GDI2: variants seen among roughly 807,000 people sequenced by gnomAD.
The protein encoded by GDI2 is rab GDP dissociation inhibitor beta.
In GDI2, 22 loss-of-function variants were observed where a neutral mutation model predicts 54.2. That is an observed-to-expected ratio of 0.41 (90% confidence interval 0.29 to 0.58). The LOEUF (loss-of-function observed/expected upper bound fraction) is 0.58, where lower values mean the gene tolerates loss of function less well. Ranked by LOEUF, GDI2 falls within the 20% of genes least tolerant of loss-of-function variation. The probability of loss-of-function intolerance (pLI) is 0.35; values close to 1 mark genes in which losing one functional copy is unlikely to be tolerated. For missense variants in GDI2, 422 were observed against 546.0 expected (o/e 0.77, Z 2.26); for synonymous variants, 177 against 182.1 (o/e 0.97, Z 0.23).
chr10:5,789,398 C>A (rs12414733), intron 4 of GDI2, among the ~76,000 whole-genome samples: 15,809 of 151,942 alleles, frequency 0.1, 1,161 homozygotes, highest in Admixed American at 0.22. Context: ...CAGTAGCCGG[C>A]CAAATGATTT....
At chr10:5,782,708 TG>T (rs1489034219) in intron 6 of GDI2, among the ~76,000 whole-genome samples, 1 of 152,078 alleles carries the variant, frequency 6.6e-6, no homozygotes, top group Non-Finnish European at 1.5e-5. Flanking sequence ...CCAAGGTGGG[TG>T]GATCACTTGA....
At chr10:5,801,070 G>C (rs1271984013) in intron 1 of GDI2, among the ~76,000 whole-genome samples, 1 of 152,004 alleles carries the variant, frequency 6.6e-6, no homozygotes, top group East Asian at 1.9e-4. Flanking sequence ...TCCTGCCTCA[G>C]CCTCTTGAGT....
At chr10:5,794,397 A>T (rs1292599693) in intron 4 of GDI2, among the ~76,000 whole-genome samples, 1 of 151,434 alleles carries the variant, frequency 6.6e-6, no homozygotes, top group Non-Finnish European at 1.5e-5. Context: ...CTGGAGCCAC[A>T]CTACCAGCAT....
At chr10:5,800,475 C>T in intron 2 of GDI2, 123 bp downstream of exon 2, 1 of 655,888 alleles carries the variant, frequency 1.5e-6, no homozygotes, top group East Asian at 2.6e-5. Flanking sequence ...TCCTGAAAAA[C>T]AGTGCTCCAG....
intron 6 of GDI2, among the ~76,000 whole-genome samples, chr10:5,784,331 T>C (rs1679138550): frequency 6.6e-6 from 1 of 152,218 alleles, no homozygotes; most frequent in South Asian, 2.1e-4. Context: ...TCATATCCTG[T>C]ATCACTTTTT....
chr10:5,768,455 T>A lies in GDI2; in HGVS notation c.820-71A>T. Reference sequence around the variant, plus strand: ...GGGAAACACATCCCATGTTCATAGTTTGGAAGACTTAGTATTGTTAAGATA... The same window carrying A: ...GGGAAACACATCCCATGTTCATAGTATGGAAGACTTAGTATTGTTAAGATA... On this transcript the variant is annotated intron_variant, in intron 7 of 10. Transcript: ENST00000380191. The surrounding 1 kb of genome is among the most constrained non-coding windows in gnomAD (Gnocchi z 4.4). 1.0e-6 allele frequency: 1 copy of A among 977,494 alleles called. No individual in the cohort carries two copies. The highest frequency in any genetic ancestry group is 1.6e-6 in the Non-Finnish European group (1 of 628,830). The allele number at this position is 977,494 out of a possible 1,614,324, so 60.6% of individuals were successfully genotyped here.
At position 5,785,975 on chromosome 10, in the gene GDI2, G is replaced by C; in HGVS notation, c.464C>G (p.Pro155Arg). 6.2e-7 allele frequency: 1 copy of C among 1,612,718 alleles called. No individual in the cohort carries two copies. The highest frequency in any genetic ancestry group is 8.5e-7 in the Non-Finnish European group (1 of 1,178,858). ...VYVANFDEKDPRTFEGIDPKK... is the reference protein window; with the variant it reads ...VYVANFDEKDRRTFEGIDPKK... ...AGGATCAATGCCTTCAAAAGTTCTT[G>C]GATCTTTTTCATCGAAGTTGGCAAC... The change falls in exon 5 of 11, where the codon CCA (proline) becomes CGA (arginine). Residue 155 changes from proline to arginine, a missense_variant. Coordinates refer to ENST00000380191, the MANE Select transcript of GDI2 (RefSeq NM_001494.4).
At chr10:5,790,455 C>G (rs1408426344) in intron 4 of GDI2, among the ~76,000 whole-genome samples, 1 of 151,268 alleles carries the variant, frequency 6.6e-6, no homozygotes, top group Non-Finnish European at 1.5e-5. Flanking sequence ...ACCAGCCTGA[C>G]CAACACGGTA....
chr10:5,797,120 TA>T (rs1218615272), intron 2 of GDI2, among the ~76,000 whole-genome samples: 1 of 152,048 alleles, frequency 6.6e-6, no homozygotes, highest in African/African-American at 2.4e-5. Context: ...AGAAAGAATA[TA>T]AAACAAGGCC....
chr10:5,802,001 G>A (rs1841281033), intron 1 of GDI2, among the ~76,000 whole-genome samples: 1 of 151,880 alleles, frequency 6.6e-6, no homozygotes, highest in African/African-American at 2.4e-5. Context: ...GAGCAAGACT[G>A]AGTAGCAAAA....
intron 4 of GDI2, among the ~76,000 whole-genome samples, chr10:5,787,933 T>C (rs1840915283): frequency 6.6e-6 from 1 of 152,206 alleles, no homozygotes; most frequent in Non-Finnish European, 1.5e-5. Context: ...TTTTCCTCCA[T>C]TACCTGATCC....
chr10:5,793,080 G>C (rs1196415862), intron 4 of GDI2, among the ~76,000 whole-genome samples: 3 of 151,822 alleles, frequency 2.0e-5, no homozygotes, highest in South Asian at 2.1e-4. Flanking sequence ...CTGCAGCTTT[G>C]ATTTCCTGGA....
Position 5,813,304 on chromosome 10 carries a change from G to C in GDI2, c.-46C>G, listed in dbSNP as rs186022209. On this transcript the variant is annotated 5_prime_UTR_variant, in exon 1 of 11. Coordinates refer to ENST00000380191, the MANE Select transcript of GDI2 (RefSeq NM_001494.4). Reference sequence around the variant, plus strand: ...AGGACCCGAGCAAGGAAAAGGCGCAGGGGCTCCGTGACCACCCTACGAGGC... The same window carrying C: ...AGGACCCGAGCAAGGAAAAGGCGCACGGGCTCCGTGACCACCCTACGAGGC... 17 of 1,436,830 alleles carry C rather than the reference G, an allele frequency of 1.2e-5. No individual in the cohort carries two copies. Among genetic ancestry groups the C allele is most frequent in the Middle Eastern group, 3.5e-4 (2 of 5,788 alleles). The allele number at this position is 1,436,830 out of a possible 1,614,324, so 89.0% of individuals were successfully genotyped here.
intron 2 of GDI2, among the ~76,000 whole-genome samples, chr10:5,799,256 G>A (rs139549857): frequency 6.6e-6 from 1 of 152,180 alleles, no homozygotes; most frequent in Non-Finnish European, 1.5e-5. Flanking sequence ...AGGATCGTTT[G>A]AGCCCAGGAG....
At position 5,768,401 on chromosome 10, in the gene GDI2, A is replaced by C. The variant is rs765315016; in HGVS notation, c.820-17T>G. 3 of 1,551,670 alleles carry C rather than the reference A, an allele frequency of 1.9e-6. No individual in the cohort carries two copies. Among genetic ancestry groups the C allele is most frequent in the Non-Finnish European group, 2.7e-6 (3 of 1,123,360 alleles). On this transcript the variant is annotated splice_polypyrimidine_tract_variant and intron_variant, in intron 7 of 10. Transcript: ENST00000380191. This position sits in a 1 kb window ranked among gnomAD's most constrained non-coding sequence, Gnocchi z 4.4. ...GCGAGCAATCTATAACAAAGCATTTAAGAAGACACTGAAGCGGACAAGGAT... is the reference window on the plus strand; with the variant it reads ...GCGAGCAATCTATAACAAAGCATTTCAGAAGACACTGAAGCGGACAAGGAT...
intron 1 of GDI2, among the ~76,000 whole-genome samples, chr10:5,810,045 C>T (rs1841455788): frequency 6.6e-6 from 1 of 152,176 alleles, no homozygotes; most frequent in African/African-American, 2.4e-5. Flanking sequence ...TAAGCAAGAA[C>T]TCTCAAAGAG....
intron 4 of GDI2, among the ~76,000 whole-genome samples, chr10:5,793,635 A>G (rs1430795419): frequency 6.6e-6 from 1 of 152,190 alleles, no homozygotes; most frequent in African/African-American, 2.4e-5. Context: ...ATGCCAAAAT[A>G]ATTATGAGAG....
chr10:5,786,124 T>C (rs1840869934), intron 4 of GDI2, 74 bp from the exon 5 acceptor site: 1 of 905,090 alleles, frequency 1.1e-6, no homozygotes, highest in Admixed American at 2.1e-5. Context: ...GAGAGCAAAG[T>C]TTAAACATGC....
At chr10:5,782,421 G>T (rs536858068) in intron 6 of GDI2, among the ~76,000 whole-genome samples, 1 of 152,266 alleles carries the variant, frequency 6.6e-6, no homozygotes, top group South Asian at 2.1e-4. Context: ...AGTTTCTTAT[G>T]AATTCAGACT....
Sources: gnomAD v4.1 joint callset for allele counts (sites outside exome capture counted in the v4.1 genomes callset) on GRCh38, gnomAD v4.1.1 for gene constraint, Gnocchi (gnomAD v3.1) non-coding constraint, MANE v1.5 for transcripts, NCBI Gene and HGNC (gene_info 2026-07-23, HGNC 2026-07-21) for gene names.